The following SH3BGRL2 variants were observed in gnomAD, a reference collection of about 807,000 sequenced individuals.
The protein encoded by SH3BGRL2 is SH3 domain-binding glutamic acid-rich-like protein 2.
SH3BGRL2 carries 21 observed loss-of-function variants against 14.8 expected under a neutral mutation model. The observed-to-expected ratio is 1.42, with a 90% CI of 1.01 to 2.05. The LOEUF (loss-of-function observed/expected upper bound fraction) is 2.05. Ranked by LOEUF, SH3BGRL2 falls within the 30% of genes most tolerant of loss-of-function variation. The probability of loss-of-function intolerance (pLI) is 0.00; values close to 1 mark genes in which losing one functional copy is unlikely to be tolerated. For missense variants in SH3BGRL2, 147 were observed against 130.8 expected (o/e 1.12, Z -0.61); for synonymous variants, 50 against 47.8 (o/e 1.05, Z -0.19).
In SH3BGRL2 at chr6:79,631,380, G is replaced by C; in HGVS notation, c.-82G>C. Reference sequence around the variant, plus strand: ...AGCGCTTTACCCAGAGGCTGCCGGCGGCTCGTAGCTGGGTTCAGCTCTGCG... The same window carrying C: ...AGCGCTTTACCCAGAGGCTGCCGGCCGCTCGTAGCTGGGTTCAGCTCTGCG... On this transcript the variant is annotated 5_prime_UTR_variant, in exon 1 of 4. Coordinates refer to ENST00000369838, the MANE Select transcript of SH3BGRL2 (RefSeq NM_031469.4). 7.7e-7 allele frequency: 1 copy of C among 1,291,570 alleles called. No individual in the cohort carries two copies. Among genetic ancestry groups the C allele is most frequent in the Non-Finnish European group, 1.0e-6 (1 of 974,290 alleles). The allele number at this position is 1,291,570 out of a possible 1,614,324, so 80.0% of individuals were successfully genotyped here.
At chr6:79,597,064 T>G in the SH3BGRL2 span, among the ~76,000 whole-genome samples, 2 of 151,990 alleles carry the variant, frequency 1.3e-5, no homozygotes, top group East Asian at 1.9e-4. Context: ...ACCCCATCTT[T>G]ACCAAAAATA....
At chr6:79,564,036 C>G in the SH3BGRL2 span, among the ~76,000 whole-genome samples, 1 of 152,068 alleles carries the variant, frequency 6.6e-6, no homozygotes, top group Non-Finnish European at 1.5e-5. Context: ...AAATGTTGAG[C>G]AAACGATTAG....
Position 79,702,461 on chromosome 6 carries a change from C to A in SH3BGRL2, c.*2952C>A, listed in dbSNP as rs1770481222. On this transcript the variant is annotated 3_prime_UTR_variant, in exon 4 of 4. Coordinates refer to ENST00000369838, the MANE Select transcript of SH3BGRL2 (RefSeq NM_031469.4). ...TTGTCTCTTAAAGCATTGGTGAAAT[C>A]ACATATTTTATATTCAGCATAAAGG... The A allele has an allele frequency of 6.6e-6, 1 of 152,514 alleles. No homozygotes were observed. The highest frequency in any genetic ancestry group is 2.4e-5 in the African/African-American group (1 of 41,426). The allele number at this position is 152,514 out of a possible 1,614,324, so 9.4% of individuals were successfully genotyped here.
At chr6:79,667,531 C>G (rs1769684453) in intron 1 of SH3BGRL2, among the ~76,000 whole-genome samples, 1 of 151,912 alleles carries the variant, frequency 6.6e-6, no homozygotes, top group African/African-American at 2.4e-5. Flanking sequence ...ACTGCAACCT[C>G]TGACTCCTGG....
the SH3BGRL2 span, among the ~76,000 whole-genome samples, chr6:79,548,065 C>T: frequency 1.3e-5 from 2 of 152,024 alleles, no homozygotes; most frequent in Non-Finnish European, 2.9e-5. Flanking sequence ...GATGAGGTCT[C>T]ACTATGTTGC....
the SH3BGRL2 span, among the ~76,000 whole-genome samples, chr6:79,551,066 G>T: frequency 6.6e-6 from 1 of 152,152 alleles, no homozygotes; most frequent in Non-Finnish European, 1.5e-5. Flanking sequence ...GAAAAGAAAA[G>T]AAAGAAATAT....
intron 1 of SH3BGRL2, among the ~76,000 whole-genome samples, chr6:79,647,039 C>T (rs1769158396): frequency 6.6e-6 from 1 of 152,148 alleles, no homozygotes; most frequent in South Asian, 2.1e-4. Flanking sequence ...GTTTTCAGTT[C>T]TCTTGGGCAT....
chr6:79,561,754 CT>C, the SH3BGRL2 span, among the ~76,000 whole-genome samples: 9 of 152,138 alleles, frequency 5.9e-5, no homozygotes, highest in African/African-American at 2.2e-4. Flanking sequence ...CATGTTTGTG[CT>C]TTGGTGATCT....
At chr6:79,593,102 G>A in the SH3BGRL2 span, among the ~76,000 whole-genome samples, 1 of 152,190 alleles carries the variant, frequency 6.6e-6, no homozygotes, top group Admixed American at 6.5e-5. Context: ...AATTTTTCAA[G>A]AGAGGCTGGT....
chr6:79,568,753 C>T, the SH3BGRL2 span, among the ~76,000 whole-genome samples: 19,629 of 151,962 alleles, frequency 0.13, 1,434 homozygotes, highest in African/African-American at 0.17. Context: ...TTTTAATTTT[C>T]TGTAGTAGGA....
At chr6:79,624,816 T>A in the SH3BGRL2 span, among the ~76,000 whole-genome samples, 1 of 152,076 alleles carries the variant, frequency 6.6e-6, no homozygotes, top group Non-Finnish European at 1.5e-5. Context: ...TTTTGGGTTT[T>A]TTTTTTCCTG....
the SH3BGRL2 span, among the ~76,000 whole-genome samples, chr6:79,557,497 A>G: frequency 6.6e-6 from 1 of 152,114 alleles, no homozygotes; most frequent in African/African-American, 2.4e-5. Context: ...AGCATCCAGT[A>G]TAGGTTTTTA....
chr6:79,556,188 T>C, the SH3BGRL2 span, among the ~76,000 whole-genome samples: 10 of 152,166 alleles, frequency 6.6e-5, no homozygotes, highest in Non-Finnish European at 1.3e-4. Flanking sequence ...TCAAAAAAGG[T>C]TGACAAATTT....
intron 1 of SH3BGRL2, among the ~76,000 whole-genome samples, chr6:79,634,208 G>A (rs991805622): frequency 4.6e-5 from 7 of 152,164 alleles, no homozygotes; most frequent in Admixed American, 1.3e-4. Flanking sequence ...ATTCCCCTAA[G>A]CTCTCCAGCT....
chr6:79,553,907 G>T, the SH3BGRL2 span, among the ~76,000 whole-genome samples: 1 of 151,410 alleles, frequency 6.6e-6, no homozygotes, highest in African/African-American at 2.4e-5. Flanking sequence ...GGCAGAGGTT[G>T]CAGTGAGCCG....
the SH3BGRL2 span, among the ~76,000 whole-genome samples, chr6:79,611,882 A>G: frequency 1.3e-5 from 2 of 152,190 alleles, no homozygotes; most frequent in African/African-American, 4.8e-5. Flanking sequence ...AGGCAACATT[A>G]TGCCTCTCTT....
chr6:79,698,386 A>G (rs1288172093), intron 3 of SH3BGRL2, among the ~76,000 whole-genome samples: 2 of 152,192 alleles, frequency 1.3e-5, no homozygotes, highest in African/African-American at 2.4e-5. Context: ...TAAGGCTTTG[A>G]CAGAGTGTTC....
At chr6:79,556,392 C>G in the SH3BGRL2 span, among the ~76,000 whole-genome samples, 1 of 152,220 alleles carries the variant, frequency 6.6e-6, no homozygotes, top group African/African-American at 2.4e-5. Flanking sequence ...AGAGAATTTA[C>G]TATGTTAGCA....
chr6:79,607,662 A>C, the SH3BGRL2 span, among the ~76,000 whole-genome samples: 1 of 152,138 alleles, frequency 6.6e-6, no homozygotes, highest in Non-Finnish European at 1.5e-5. Context: ...TAAAGAAAAG[A>C]GGCCAGGCAC....
Sources: allele counts gnomAD v4.1 joint callset (sites outside exome capture counted in the v4.1 genomes callset), GRCh38; gene constraint gnomAD v4.1.1; transcripts MANE v1.5; gene names NCBI Gene and HGNC (gene_info 2026-07-23, HGNC 2026-07-21).